CWC27: variants seen among roughly 807,000 people sequenced by gnomAD.
CWC27 encodes the protein spliceosome-associated protein CWC27 homolog.
Under a neutral mutation model 63.6 loss-of-function variants are expected in CWC27, and 47 were observed. That is an observed-to-expected ratio of 0.74 (90% confidence interval 0.58 to 0.94). CWC27 has a LOEUF of 0.94. Ranked by LOEUF, CWC27 falls within the 40% of genes least tolerant of loss-of-function variation. The probability of loss-of-function intolerance (pLI) is 0.00; values close to 1 mark genes in which losing one functional copy is unlikely to be tolerated. For missense variants in CWC27, 495 were observed against 554.3 expected (o/e 0.89, Z 1.07); for synonymous variants, 175 against 179.8 (o/e 0.97, Z 0.22).
intron 11 of CWC27, among the ~76,000 whole-genome samples, chr5:64,942,196 C>G (rs1363563516): frequency 6.6e-6 from 1 of 151,418 alleles, no homozygotes; most frequent in Non-Finnish European, 1.5e-5. Flanking sequence ...GAGGCTGAGA[C>G]AGGAGTATGC....
intron 12 of CWC27, among the ~76,000 whole-genome samples, chr5:64,974,055 G>A (rs1030937036): frequency 6.6e-6 from 1 of 151,380 alleles, no homozygotes; most frequent in African/African-American, 2.4e-5. Context: ...GGCAGCCTAG[G>A]GAGACCCCCA....
At chr5:64,855,439 G>T (rs1746229309) in intron 10 of CWC27, among the ~76,000 whole-genome samples, 1 of 152,122 alleles carries the variant, frequency 6.6e-6, no homozygotes, top group Non-Finnish European at 1.5e-5. Flanking sequence ...GCAAGATTCA[G>T]TGAGTTCTAT....
chr5:64,775,652 A>G (rs962984185), intron 2 of CWC27, among the ~76,000 whole-genome samples: 2 of 152,122 alleles, frequency 1.3e-5, no homozygotes, highest in African/African-American at 2.4e-5. Context: ...ATTATTATCA[A>G]TGTCTCTAGT....
At chr5:64,993,563 T>C (rs1188711523) in intron 13 of CWC27, among the ~76,000 whole-genome samples, 2 of 151,970 alleles carry the variant, frequency 1.3e-5, no homozygotes, top group African/African-American at 4.8e-5. Flanking sequence ...ACTATAAATT[T>C]AGCATTCATA....
intron 10 of CWC27, among the ~76,000 whole-genome samples, chr5:64,815,221 C>T (rs1317812616): frequency 6.6e-6 from 1 of 152,142 alleles, no homozygotes; most frequent in East Asian, 1.9e-4. Flanking sequence ...GCACCCAAAT[C>T]TCAGTGGCTT....
rs1186944777 is a variant in CWC27 at position 64,783,938 on chromosome 5, C to G, written c.355C>G (p.Arg119Gly). 3 of 1,600,518 alleles carry G rather than the reference C, an allele frequency of 1.9e-6. No individual in the cohort carries two copies. The highest frequency in any genetic ancestry group is 2.6e-6 in the Non-Finnish European group (3 of 1,174,074). ...NGSQFFFTLGRADELNNKHTI... is the reference protein window; with the variant it reads ...NGSQFFFTLGGADELNNKHTI... Reference sequence around the variant, plus strand: ...CAGCCAGTTTTTCTTCACACTGGGTCGAGCAGATGAACTTAACAATAAGCA... The same window carrying G: ...CAGCCAGTTTTTCTTCACACTGGGTGGAGCAGATGAACTTAACAATAAGCA... Residue 119 changes from arginine to glycine, a missense_variant, in exon 4 of 14, where the codon CGA becomes GGA. Coordinates refer to ENST00000381070, the MANE Select transcript of CWC27 (RefSeq NM_005869.4).
At chr5:64,771,769 G>C (rs1743263527) in intron 1 of CWC27, among the ~76,000 whole-genome samples, 1 of 152,192 alleles carries the variant, frequency 6.6e-6, no homozygotes, top group African/African-American at 2.4e-5. Context: ...GGCCTACAAA[G>C]TAGTGATGAC....
chr5:64,863,464 G>T (rs1746460177), intron 10 of CWC27, among the ~76,000 whole-genome samples: 1 of 148,340 alleles, frequency 6.7e-6, no homozygotes, highest in Non-Finnish European at 1.5e-5. Flanking sequence ...CCCTTTCCCT[G>T]TGCTCTTCCC....
chr5:64,931,913 A>G (rs940943519), intron 11 of CWC27, among the ~76,000 whole-genome samples: 1 of 152,012 alleles, frequency 6.6e-6, no homozygotes, highest in Non-Finnish European at 1.5e-5. Flanking sequence ...TCTCCTGTTC[A>G]TGGACATTAG....
intron 7 of CWC27, among the ~76,000 whole-genome samples, chr5:64,797,811 T>C (rs115344814): frequency 1.1e-3 from 162 of 152,288 alleles, no homozygotes; most frequent in African/African-American, 3.8e-3. Flanking sequence ...AAATTAACAA[T>C]TGTAAACTAA....
At chr5:64,961,663 C>G (rs1748914716) in intron 11 of CWC27, among the ~76,000 whole-genome samples, 1 of 152,056 alleles carries the variant, frequency 6.6e-6, no homozygotes, top group South Asian at 2.1e-4. Flanking sequence ...ATAAGAGGCA[C>G]ACAGAAGACA....
At chr5:64,911,071 T>C (rs1747776638) in intron 11 of CWC27, among the ~76,000 whole-genome samples, 1 of 152,218 alleles carries the variant, frequency 6.6e-6, no homozygotes, top group Non-Finnish European at 1.5e-5. Flanking sequence ...GCTGTTCCTA[T>C]TCGGCCATCT....
At chr5:64,844,943 T>C in intron 10 of CWC27, 1 of 456,704 alleles carries the variant, frequency 2.2e-6, no homozygotes. Context: ...TGCCTAACCT[T>C]GGAGCCCAGC....
intron 10 of CWC27, among the ~76,000 whole-genome samples, chr5:64,824,686 C>G (rs1554070861): frequency 6.8e-6 from 1 of 146,248 alleles, no homozygotes. Flanking sequence ...TTTTTTTTTC[C>G]TCTAGAAGGC....
intron 11 of CWC27, among the ~76,000 whole-genome samples, chr5:64,932,901 T>G (rs1036899232): frequency 2.0e-5 from 3 of 152,234 alleles, no homozygotes; most frequent in African/African-American, 7.2e-5. Flanking sequence ...GTGATTCATC[T>G]ATACACTGCT....
chr5:64,968,510 A>T (rs932024609), intron 11 of CWC27, among the ~76,000 whole-genome samples: 9 of 152,210 alleles, frequency 5.9e-5, no homozygotes, highest in Non-Finnish European at 1.2e-4. Context: ...GAGTATATCC[A>T]TGCTATGAAA....
At chr5:64,829,166 A>G (rs973587565) in intron 10 of CWC27, among the ~76,000 whole-genome samples, 3 of 152,152 alleles carry the variant, frequency 2.0e-5, no homozygotes, top group Non-Finnish European at 4.4e-5. Context: ...TGAATTTTCT[A>G]AAAACAAGCC....
At chr5:64,822,088 ATTTAAAGT>A (rs1745213987) in intron 10 of CWC27, among the ~76,000 whole-genome samples, 1 of 152,170 alleles carries the variant, frequency 6.6e-6, no homozygotes, top group African/African-American at 2.4e-5. Context: ...CAATACAAAG[ATTTAAAGT>A]TGGAAAGTTA....
intron 10 of CWC27, among the ~76,000 whole-genome samples, chr5:64,878,208 C>A (rs1467998067): frequency 6.6e-6 from 1 of 151,524 alleles, no homozygotes; most frequent in East Asian, 1.9e-4. Flanking sequence ...TTCCCAAGAC[C>A]CCCACCCAAA....
Sources: allele counts gnomAD v4.1 joint callset (sites outside exome capture counted in the v4.1 genomes callset), GRCh38; gene constraint gnomAD v4.1.1; transcripts MANE v1.5; gene names NCBI Gene and HGNC (gene_info 2026-07-23, HGNC 2026-07-21).